Variants in SLC26A8 observed in about 807,000 individuals in gnomAD.
The protein encoded by SLC26A8 is solute carrier family 26 member 8, also known as testis anion transporter 1.
A neutral mutation model predicts 105.0 loss-of-function variants in SLC26A8; 70 were observed. That is an observed-to-expected ratio of 0.67 (90% confidence interval 0.55 to 0.81). The LOEUF (loss-of-function observed/expected upper bound fraction) is 0.81, where lower values mean the gene tolerates loss of function less well. SLC26A8 is among the 40% of genes least tolerant of loss of function. SLC26A8 has a pLI of 0.00. For missense variants in SLC26A8, 998 were observed against 1,181.8 expected (o/e 0.84, Z 2.28); for synonymous variants, 415 against 438.3 (o/e 0.95, Z 0.66).
At chr6:35,998,564 A>AG (rs1761427330) in intron 4 of SLC26A8, among the ~76,000 whole-genome samples, 1 of 151,972 alleles carries the variant, frequency 6.6e-6, no homozygotes, top group Admixed American at 6.6e-5. Context: ...TCAAAAAAAA[A>AG]AAAAGAAAAG....
At chr6:35,975,539 T>C in intron 9 of SLC26A8, 51 bp from the exon 10 acceptor site, 1 of 1,105,452 alleles carries the variant, frequency 9.0e-7, no homozygotes, top group Non-Finnish European at 1.3e-6. Flanking sequence ...TGAAGAATGC[T>C]GATTTTGAGT....
intron 3 of SLC26A8, among the ~76,000 whole-genome samples, chr6:36,000,946 A>G (rs1266263116): frequency 6.6e-6 from 1 of 152,202 alleles, no homozygotes; most frequent in Non-Finnish European, 1.5e-5. Context: ...CTTTGAGGCA[A>G]ATCCAAGGCA....
At chr6:36,014,579 A>ACATTAAAAAAACT (rs1761945508) in intron 2 of SLC26A8, among the ~76,000 whole-genome samples, 1 of 148,620 alleles carries the variant, frequency 6.7e-6, no homozygotes, top group Admixed American at 6.6e-5. Flanking sequence ...TATTTCATTT[A>ACATTAAAAAAACT]CATTAAAAAA....
chr6:35,960,649 C>A (rs1006025058), intron 14 of SLC26A8, 194 bp downstream of exon 14: 3 of 617,412 alleles, frequency 4.9e-6, no homozygotes, highest in Admixed American at 6.0e-5. Context: ...GGTGACAGAG[C>A]AAGACTCTGT....
At chr6:35,978,146 G>GAAAAAAAAA (rs199662420) in intron 8 of SLC26A8, among the ~76,000 whole-genome samples, 2 of 65,740 alleles carry the variant, frequency 3.0e-5, no homozygotes, top group Non-Finnish European at 6.9e-5. Flanking sequence ...AGCACAAGAA[G>GAAAAAAAAA]AAAAAAAAAA....
In SLC26A8 at chr6:35,951,252, C is replaced by G; in HGVS notation, c.2383G>C (p.Ala795Pro). The G allele has an allele frequency of 6.2e-7, 1 of 1,614,160 alleles. No homozygotes were observed. The highest frequency in any genetic ancestry group is 1.1e-5 in the South Asian group (1 of 91,078). The change falls in exon 19 of 20, where the codon GCC becomes CCC. Residue 795 changes from alanine to proline, a missense_variant. Ala to Pro is a conservative substitution (Grantham distance 27). Coordinates refer to ENST00000490799, the MANE Select transcript of SLC26A8 (RefSeq NM_052961.4). Reference protein sequence around the residue: ...FLSVHDAVLFALSRKVIGSSE... With the variant: ...FLSVHDAVLFPLSRKVIGSSE... ...GAGCCTATGACCTTCCTTGACAAGG[C>G]AAACAGCACGGCGTCGTGAACGCTG...
intron 16 of SLC26A8, among the ~76,000 whole-genome samples, chr6:35,957,735 T>C (rs1265150278): frequency 6.6e-6 from 1 of 151,880 alleles, no homozygotes; most frequent in African/African-American, 2.4e-5. Context: ...GCCTCCCGAG[T>C]AGCTGGGATT....
At chr6:35,976,687 C>T (rs1416608814) in intron 9 of SLC26A8, among the ~76,000 whole-genome samples, 2 of 151,474 alleles carry the variant, frequency 1.3e-5, no homozygotes, top group Admixed American at 6.6e-5. Flanking sequence ...AGCACAGGCG[C>T]CCGCCACCAT....
At chr6:35,975,290 C>T (rs992487360) in intron 10 of SLC26A8, 85 bp downstream of exon 10, 42 of 638,684 alleles carry the variant, frequency 6.6e-5, no homozygotes, top group Non-Finnish European at 9.7e-5. Context: ...GAAGATTAAA[C>T]CCATTTAATT....
chr6:36,017,464 T>C (rs1039752069), intron 2 of SLC26A8, among the ~76,000 whole-genome samples: 4 of 152,076 alleles, frequency 2.6e-5, no homozygotes, highest in Non-Finnish European at 5.9e-5. Context: ...AAACCCCACC[T>C]CTATTAAAAA....
In SLC26A8 at chr6:35,955,401, C is replaced by T. The variant is rs1235941196; in HGVS notation, c.1983G>A (p.Val661=). The change falls in exon 17 of 20, where the codon GTG becomes GTA. Residue 661 remains valine, a synonymous_variant. Transcript: ENST00000490799. ...NTSQTASEDQ[V]PYTVSSVSQK... is the part of the protein sequence containing the mutation. ...GAGACACGGACGATACTGTGTATGG[C>T]ACTTGGTCTTCGGATGCAGTTTGGC... 1 of 1,614,194 alleles carries T rather than the reference C, an allele frequency of 6.2e-7. No homozygotes were observed. Among genetic ancestry groups the T allele is most frequent in the Non-Finnish European group, 8.5e-7 (1 of 1,180,038 alleles).
At chr6:36,012,454 T>C in intron 2 of SLC26A8, 82 bp from the exon 3 acceptor site, 1 of 1,464,372 alleles carries the variant, frequency 6.8e-7, no homozygotes, top group Non-Finnish European at 9.1e-7. Flanking sequence ...TTGGCCCACA[T>C]AGCCAAGAAA....
chr6:35,968,058 G>A (rs1037382482), intron 11 of SLC26A8, among the ~76,000 whole-genome samples: 1 of 151,922 alleles, frequency 6.6e-6, no homozygotes, highest in Non-Finnish European at 1.5e-5. Flanking sequence ...ACGTTGGCCC[G>A]GCTGATCTTG....
At chr6:35,946,880 G>A (rs976147036) in intron 19 of SLC26A8, among the ~76,000 whole-genome samples, 1 of 150,774 alleles carries the variant, frequency 6.6e-6, no homozygotes, top group African/African-American at 2.4e-5. Flanking sequence ...TTCAAGATAA[G>A]AGTCTCACTA....
chr6:36,019,651 G>C lies in SLC26A8; in HGVS notation c.57C>G (p.Asn19Lys). The C allele has an allele frequency of 6.2e-7, 1 of 1,614,138 alleles. No individual in the cohort carries two copies. Among genetic ancestry groups the C allele is most frequent in the Non-Finnish European group, 8.5e-7 (1 of 1,180,016 alleles). ...ISGFSSKSRR[N>K]SFAYDVKREV... ...CACGCTTAACATCATATGCGAATGAGTTTCGCCTGGACTTAGAGCTGAAGC... is the reference window on the plus strand; with the variant it reads ...CACGCTTAACATCATATGCGAATGACTTTCGCCTGGACTTAGAGCTGAAGC... The change falls in exon 2 of 20, where the codon AAC becomes AAG. Residue 19 changes from asparagine to lysine, a missense_variant. Coordinates refer to ENST00000490799, the MANE Select transcript of SLC26A8 (RefSeq NM_052961.4).
rs535421831 is a variant in SLC26A8 at position 35,968,902 on chromosome 6, C to T, written c.1340G>A (p.Gly447Glu). The change falls in exon 11 of 20, where the codon GGA (glycine) becomes GAA (glutamate). Residue 447 changes from glycine to glutamate, a missense_variant. Physicochemically the swap from Gly to Glu is moderately conservative, Grantham distance 98 (BLOSUM62 -2). Coordinates refer to ENST00000490799, the MANE Select transcript of SLC26A8 (RefSeq NM_052961.4). ...GVMLLLMVKMGHFFYTLPNAV... is the reference protein window; with the variant it reads ...GVMLLLMVKMEHFFYTLPNAV... ...ATTTGGCAGTGTGTAGAAAAAGTGT[C>T]CCATCTTCACCATCAGGAGCAGCAT... 1.2e-6 allele frequency: 2 copies of T among 1,609,814 alleles called. No homozygotes were observed. The highest frequency in any genetic ancestry group is 2.7e-5 in the African/African-American group (2 of 74,218).
intron 3 of SLC26A8, among the ~76,000 whole-genome samples, chr6:36,011,896 A>T (rs1331111478): frequency 1.3e-5 from 2 of 152,234 alleles, no homozygotes; most frequent in Non-Finnish European, 2.9e-5. Flanking sequence ...GGCATGAGCC[A>T]CTATGCCCAC....
chr6:35,991,064 A>G (rs776445806), intron 7 of SLC26A8, among the ~76,000 whole-genome samples: 1 of 152,048 alleles, frequency 6.6e-6, no homozygotes, highest in Non-Finnish European at 1.5e-5. Context: ...TCTCACAACA[A>G]AAATAATAAC....
chr6:35,951,061 C>G (rs1771848346), intron 19 of SLC26A8, 102 bp downstream of exon 19: 1 of 1,164,744 alleles, frequency 8.6e-7, no homozygotes, highest in African/African-American at 1.5e-5. Flanking sequence ...ATTCCTCTAT[C>G]TGATCAGGAA....
Sources: gnomAD v4.1 joint callset for allele counts (sites outside exome capture counted in the v4.1 genomes callset) on GRCh38, gnomAD v4.1.1 for gene constraint, MANE v1.5 for transcripts, NCBI Gene and HGNC (gene_info 2026-07-23, HGNC 2026-07-21) for gene names.